SLC47A1: variants seen among roughly 807,000 people sequenced by gnomAD.
SLC47A1 encodes solute carrier family 47 member 1, also known as multidrug and toxin extrusion protein 1.
Under a neutral mutation model 65.8 loss-of-function variants are expected in SLC47A1, and 58 were observed. The ratio of observed to expected loss-of-function variants is 0.88; its 90% CI spans 0.71 to 1.10. The LOEUF (loss-of-function observed/expected upper bound fraction) is 1.10. Ranked by LOEUF, SLC47A1 falls within the 50% of genes least tolerant of loss-of-function variation. The pLI is 0.00. For synonymous variants in SLC47A1, 285 were observed against 295.0 expected (o/e 0.97, Z 0.35); for missense variants, 706 against 719.2 (o/e 0.98, Z 0.21).
chr17:19,575,445 C>T (rs1174379347), intron 16 of SLC47A1, among the ~76,000 whole-genome samples: 1 of 149,276 alleles, frequency 6.7e-6, no homozygotes, highest in Admixed American at 6.8e-5. Flanking sequence ...GTCACCCAGG[C>T]TGGAGTGCAG....
At chr17:19,564,878 A>C (rs1337800937) in intron 12 of SLC47A1, among the ~76,000 whole-genome samples, 1 of 151,756 alleles carries the variant, frequency 6.6e-6, no homozygotes, top group Non-Finnish European at 1.5e-5. Context: ...GCACCACCAC[A>C]CCTGCTAATT....
At chr17:19,535,416 C>A (rs1915964861) in intron 1 of SLC47A1, 1 of 148,616 alleles carries the variant, frequency 6.7e-6, no homozygotes, top group Admixed American at 6.7e-5. Context: ...GCCTGAACAA[C>A]AGAGTAAGAC....
intron 14 of SLC47A1, among the ~76,000 whole-genome samples, chr17:19,568,725 G>A (rs1200111676): frequency 6.6e-6 from 1 of 152,012 alleles, no homozygotes; most frequent in Non-Finnish European, 1.5e-5. Flanking sequence ...AGTCACCCTG[G>A]TGTGCAATTG....
chr17:19,534,096 G>C (rs965571770), intron 1 of SLC47A1, 22 bp downstream of exon 1: 31 of 1,513,322 alleles, frequency 2.0e-5, no homozygotes, highest in Non-Finnish European at 2.7e-5. Flanking sequence ...GGCCTCAGTG[G>C]CAGGCCGGTA....
intron 10 of SLC47A1, chr17:19,557,625 T>C: frequency 1.9e-6 from 1 of 518,338 alleles, no homozygotes; most frequent in Non-Finnish European, 3.9e-6. Flanking sequence ...CTGGGAACAT[T>C]AACTGCCTCA....
rs1357266006 is a variant in SLC47A1, at chr17:19,560,892, AAAAG to A, written c.1106+411_1106+414del. Among the ~76,000 whole-genome samples the A allele has an allele frequency of 3.4e-4, 52 of 151,474 alleles. No individual in the cohort carries two copies. The East Asian group carries it at 8.2e-3, about 24-fold the overall frequency. On this transcript the variant is annotated intron_variant, in intron 12 of 16. Transcript: ENST00000270570. ...AGACTCCGTCTTAAAAAAAAAAAAA[AAAAG>A]AAAGAAAGAAATGGTTCCTCCAAGA...
intron 14 of SLC47A1, among the ~76,000 whole-genome samples, chr17:19,567,451 G>A (rs930070255): frequency 6.6e-6 from 1 of 152,120 alleles, no homozygotes; most frequent in African/African-American, 2.4e-5. Flanking sequence ...CCCTGCGGGC[G>A]ATCTTCCACG....
At chr17:19,562,656 A>G (rs2084322428) in intron 12 of SLC47A1, among the ~76,000 whole-genome samples, 1 of 152,134 alleles carries the variant, frequency 6.6e-6, no homozygotes, top group South Asian at 2.1e-4. Flanking sequence ...GGGAATCAGG[A>G]TGAACTTTAT....
chr17:19,560,642 C>A, intron 12 of SLC47A1, 149 bp downstream of exon 12: 1 of 783,042 alleles, frequency 1.3e-6, no homozygotes, highest in Non-Finnish European at 2.1e-6. Flanking sequence ...CACCTGTAAT[C>A]CCAGCACTTT....
intron 16 of SLC47A1, 59 bp downstream of exon 16, chr17:19,572,920 G>T: frequency 6.9e-7 from 1 of 1,438,924 alleles, no homozygotes; most frequent in Non-Finnish European, 9.8e-7. Context: ...TGGAGGGGCT[G>T]TTAGTGAGAC....
chr17:19,571,440 C>CT, intron 14 of SLC47A1, 38 bp from the exon 15 acceptor site: 1 of 1,575,150 alleles, frequency 6.3e-7, no homozygotes, highest in East Asian at 2.2e-5. Context: ...AGCTGGTTTT[C>CT]TATGGAATTA....
In SLC47A1 at chr17:19,543,961, A is replaced by T. The variant is rs186141922; in HGVS notation, c.237+1467A>T. Reference sequence around the variant, plus strand: ...ATATATGGCTTATTTTATTTTATTTAATTATTTATTTTGAGATGGAGTCTC... The same window carrying T: ...ATATATGGCTTATTTTATTTTATTTTATTATTTATTTTGAGATGGAGTCTC... On this transcript the variant is annotated intron_variant, in intron 2 of 16. Coordinates refer to ENST00000270570, the MANE Select transcript of SLC47A1 (RefSeq NM_018242.3). Among the ~76,000 whole-genome samples, 6 of 152,088 alleles carry T rather than the reference A, an allele frequency of 3.9e-5. No homozygotes were observed. The East Asian group carries it at 5.8e-4, about 15-fold the overall frequency.
rs761043170 is a variant in SLC47A1, at chr17:19,533,927, G to T, written c.-13G>T. On this transcript the variant is annotated 5_prime_UTR_variant, in exon 1 of 17. Coordinates refer to ENST00000270570, the MANE Select transcript of SLC47A1 (RefSeq NM_018242.3). Reference sequence around the variant, plus strand: ...CCGGCCTCCGCGCTACCCGGCCGCAGCGCGCGAGTCACATGGAAGCTCCTG... The same window carrying T: ...CCGGCCTCCGCGCTACCCGGCCGCATCGCGCGAGTCACATGGAAGCTCCTG... 3 of 1,489,218 alleles carry T rather than the reference G, an allele frequency of 2.0e-6. No individual in the cohort carries two copies. The highest frequency in any genetic ancestry group is 2.7e-6 in the Non-Finnish European group (3 of 1,123,874). 92.3% of individuals were successfully genotyped at this position (1,489,218 alleles called of 1,614,324 possible). A position where few individuals can be genotyped will look rare whatever the true frequency, so the allele number is the denominator to read the frequency against.
At chr17:19,557,391 T>C (rs1274875154) in intron 10 of SLC47A1, 3 of 188,924 alleles carry the variant, frequency 1.6e-5, no homozygotes, top group African/African-American at 7.0e-5. Context: ...GTCAAAATGC[T>C]TAATGGTATA....
chr17:19,566,967 C>A, intron 13 of SLC47A1, 108 bp downstream of exon 13: 1 of 1,586,716 alleles, frequency 6.3e-7, no homozygotes, highest in Non-Finnish European at 8.6e-7. Flanking sequence ...ATATTGTTAC[C>A]ACATTTCGTT....
intron 4 of SLC47A1, 45 bp downstream of exon 4, chr17:19,548,178 GAA>G (rs746171675): frequency 6.3e-7 from 1 of 1,588,690 alleles, no homozygotes; most frequent in East Asian, 2.2e-5. Flanking sequence ...CCATCCCACG[GAA>G]AGATTATCCT....
chr17:19,536,809 CTG>C (rs1474148977), intron 1 of SLC47A1, among the ~76,000 whole-genome samples: 1 of 152,224 alleles, frequency 6.6e-6, no homozygotes, highest in African/African-American at 2.4e-5. Context: ...GCTCTCCTCT[CTG>C]TAATTTTCTC....
rs373473319 is a variant in SLC47A1, at chr17:19,550,032, G to A, written c.498+355G>A. Among the ~76,000 whole-genome samples, 25 of 152,290 alleles carry A rather than the reference G, an allele frequency of 1.6e-4. No individual in the cohort carries two copies. The South Asian group carries it at 2.3e-3, about 14-fold the overall frequency. On this transcript the variant is annotated intron_variant, in intron 5 of 16. Coordinates refer to ENST00000270570, the MANE Select transcript of SLC47A1 (RefSeq NM_018242.3). ...TTTAGACTTTTTTTTGGTCTGCTGC[G>A]TTTGACCACACAGAACCTTAAGCAT...
chr17:19,558,893 ATTAC>A (rs2084285492), intron 10 of SLC47A1, among the ~76,000 whole-genome samples: 1 of 152,074 alleles, frequency 6.6e-6, no homozygotes, highest in South Asian at 2.1e-4. Flanking sequence ...TCAGTCTTCT[ATTAC>A]TTTTTTATTT....
Sources: allele counts gnomAD v4.1 joint callset (sites outside exome capture counted in the v4.1 genomes callset), GRCh38; gene constraint gnomAD v4.1.1; transcripts MANE v1.5; gene names NCBI Gene and HGNC (gene_info 2026-07-23, HGNC 2026-07-21).